The following PCGF5 variants were observed in gnomAD, a reference collection of about 807,000 sequenced individuals.
The protein encoded by PCGF5 is polycomb group ring finger 5, also known as polycomb group RING finger protein 5.
Under a neutral mutation model 44.3 loss-of-function variants are expected in PCGF5, and 9 were observed. The ratio of observed to expected loss-of-function variants is 0.20; its 90% CI spans 0.12 to 0.35. PCGF5 has a LOEUF of 0.35. Ranked by LOEUF, PCGF5 falls within the 10% of genes least tolerant of loss-of-function variation. The pLI, the probability that PCGF5 is intolerant of heterozygous loss-of-function variation, is 1.00. For missense variants in PCGF5, 146 were observed against 305.3 expected (o/e 0.48, Z 3.89); for synonymous variants, 95 against 102.5 (o/e 0.93, Z 0.44).
At chr10:91,227,324 C>T (rs746061798) in intron 2 of PCGF5, 8 of 981,908 alleles carry the variant, frequency 8.1e-6, no homozygotes, top group Non-Finnish European at 1.1e-5. Flanking sequence ...TTGGCTTACG[C>T]TTTTCTTCTT....
At chr10:91,219,823 T>C (rs574691610), upstream of PCGF5, among the ~76,000 whole-genome samples, 52 of 152,294 alleles carry the variant, frequency 3.4e-4, no homozygotes, top group African/African-American at 1.3e-3. Flanking sequence ...CTTTGAACAC[T>C]TGTATGGCTG....
intron 1 of PCGF5, among the ~76,000 whole-genome samples, chr10:91,197,212 C>T (rs183856651): frequency 9.0e-4 from 137 of 152,212 alleles, no homozygotes; most frequent in African/African-American, 2.9e-3. Context: ...GTCTCCATTC[C>T]GCTTGGCATC....
At chr10:91,248,217 C>G (rs1310749333) in intron 3 of PCGF5, among the ~76,000 whole-genome samples, 3 of 152,166 alleles carry the variant, frequency 2.0e-5, no homozygotes, top group Middle Eastern at 3.4e-3. Context: ...ACCGTATTTC[C>G]AAGGCAGGGG....
At chr10:91,191,291 A>G (rs1844029637) in intron 1 of PCGF5, among the ~76,000 whole-genome samples, 1 of 152,310 alleles carries the variant, frequency 6.6e-6, no homozygotes, top group South Asian at 2.1e-4. Context: ...AAGCACTGTG[A>G]TGCTGCAACA....
chr10:91,268,086 G>A (rs1846088300), intron 8 of PCGF5, among the ~76,000 whole-genome samples: 1 of 152,004 alleles, frequency 6.6e-6, no homozygotes, highest in South Asian at 2.1e-4. Context: ...CCATGTCTGT[G>A]CGTATGTGTG....
intron 8 of PCGF5, among the ~76,000 whole-genome samples, chr10:91,270,703 A>G (rs1346198178): frequency 6.6e-6 from 1 of 152,200 alleles, no homozygotes; most frequent in East Asian, 1.9e-4. Flanking sequence ...CTTTCAAAGT[A>G]TATCTTTTAA....
At chr10:91,218,696 G>GATCTCGGCTCACT (rs1554845789), upstream of PCGF5, among the ~76,000 whole-genome samples, 3 of 151,900 alleles carry the variant, frequency 2.0e-5, no homozygotes, top group Non-Finnish European at 4.4e-5. Context: ...GCAGTGGTGC[G>GATCTCGGCTCACT]ATCTCGGCTC....
chr10:91,238,992 T>C (rs1342162065), intron 2 of PCGF5, among the ~76,000 whole-genome samples: 1 of 152,086 alleles, frequency 6.6e-6, no homozygotes, highest in South Asian at 2.1e-4. Context: ...AGAGAGAGTA[T>C]GGGATTCAGG....
chr10:91,212,457 T>G (rs1844469116), intron 1 of PCGF5, among the ~76,000 whole-genome samples: 1 of 152,242 alleles, frequency 6.6e-6, no homozygotes, highest in Non-Finnish European at 1.5e-5. Flanking sequence ...CAGAGAACTC[T>G]TATTCTGGTC....
intron 6 of PCGF5, among the ~76,000 whole-genome samples, chr10:91,260,994 A>T (rs1023858605): frequency 9.2e-5 from 14 of 151,724 alleles, no homozygotes; most frequent in South Asian, 6.2e-4. Flanking sequence ...AATAATAAAA[A>T]ATATATATAT....
At chr10:91,217,835 A>G (rs1844573175), upstream of PCGF5, among the ~76,000 whole-genome samples, 1 of 152,140 alleles carries the variant, frequency 6.6e-6, no homozygotes, top group African/African-American at 2.4e-5. Flanking sequence ...GCCCCAGACT[A>G]GAGTGCAATG....
chr10:91,219,844 GGTT>G (rs1359326244), upstream of PCGF5, among the ~76,000 whole-genome samples: 3 of 152,046 alleles, frequency 2.0e-5, no homozygotes, highest in Admixed American at 2.0e-4. Context: ...CTGGACTAGC[GGTT>G]GTTAAGTTTG....
intron 2 of PCGF5, 129 bp from the exon 3 acceptor site, chr10:91,240,355 A>C (rs947209839): frequency 3.5e-6 from 2 of 577,782 alleles, no homozygotes; most frequent in Non-Finnish European, 6.1e-6. Context: ...AAGGTTTTTG[A>C]AGCTTAATTA....
intron 3 of PCGF5, among the ~76,000 whole-genome samples, chr10:91,242,747 A>G (rs1416736731): frequency 6.6e-6 from 1 of 151,892 alleles, no homozygotes; most frequent in African/African-American, 2.4e-5. Context: ...TGGATGCTTT[A>G]TTTTTTTCTG....
At chr10:91,226,443 C>T (rs1254438490) in intron 2 of PCGF5, among the ~76,000 whole-genome samples, 1 of 152,102 alleles carries the variant, frequency 6.6e-6, no homozygotes, top group African/African-American at 2.4e-5. Context: ...GACCATATGC[C>T]ATCTCAGGCA....
At chr10:91,230,026 T>G (rs561608465) in intron 2 of PCGF5, among the ~76,000 whole-genome samples, 1 of 152,306 alleles carries the variant, frequency 6.6e-6, no homozygotes, top group African/African-American at 2.4e-5. Flanking sequence ...AATCTTGGTG[T>G]CATCTATTAT....
chr10:91,237,723 G>A lies in PCGF5; in HGVS notation c.113-2761G>A, dbSNP rs571069041. Among the ~76,000 whole-genome samples the A allele has an allele frequency of 2.5e-3, 383 of 151,084 alleles. 2 individuals are homozygous for A. Among genetic ancestry groups the A allele is most frequent in the Non-Finnish European group, 4.1e-3 (280 of 67,944 alleles). On this transcript the variant is annotated intron_variant, in intron 2 of 9. Transcript: ENST00000336126. Reference sequence around the variant, plus strand: ...CGCGCCACTGCACTCTAGCCTAGGCGACAGAGTGAGAATCCATCTAAAAAA... The same window carrying A: ...CGCGCCACTGCACTCTAGCCTAGGCAACAGAGTGAGAATCCATCTAAAAAA...
chr10:91,178,790 T>G (rs935323454), intron 1 of PCGF5, among the ~76,000 whole-genome samples: 1 of 152,076 alleles, frequency 6.6e-6, no homozygotes, highest in African/African-American at 2.4e-5. Context: ...GTAATGATGA[T>G]GAGTAGTTTG....
chr10:91,178,125 G>T (rs1018744329), intron 1 of PCGF5, among the ~76,000 whole-genome samples: 1 of 152,214 alleles, frequency 6.6e-6, no homozygotes, highest in South Asian at 2.1e-4. Context: ...GTTGACCCTG[G>T]CCATAACTGA....
Sources: allele counts gnomAD v4.1 joint callset (sites outside exome capture counted in the v4.1 genomes callset), GRCh38; gene constraint gnomAD v4.1.1; transcripts MANE v1.5; gene names NCBI Gene and HGNC (gene_info 2026-07-23, HGNC 2026-07-21).